The following CALN1 variants were observed in gnomAD, a reference collection of about 807,000 sequenced individuals.
CALN1 encodes calneuron 1, also known as calcium-binding protein 8.
Under a neutral mutation model 30.6 loss-of-function variants are expected in CALN1, and 17 were observed. That is an observed-to-expected ratio of 0.56 (90% CI 0.38 to 0.83). CALN1 has a LOEUF of 0.83. CALN1 is among the 40% of genes least tolerant of loss of function. The pLI is 0.00. For synonymous variants in CALN1, 156 were observed against 131.4 expected (o/e 1.19, Z -1.28); for missense variants, 291 against 354.9 (o/e 0.82, Z 1.45).
chr7:72,020,672 C>T (rs558167321), intron 5 of CALN1, among the ~76,000 whole-genome samples: 2 of 152,290 alleles, frequency 1.3e-5, no homozygotes, highest in South Asian at 4.1e-4. Context: ...CTCCTTTCTC[C>T]AGCCTATCTT....
At chr7:71,892,771 T>C (rs1290709933) in intron 5 of CALN1, among the ~76,000 whole-genome samples, 1 of 152,226 alleles carries the variant, frequency 6.6e-6, no homozygotes, top group Non-Finnish European at 1.5e-5. Context: ...GCTTGAGAAA[T>C]ATCTACTTCT....
At chr7:72,008,657 ATTTTTT>A (rs377110167) in intron 5 of CALN1, among the ~76,000 whole-genome samples, 1 of 139,290 alleles carries the variant, frequency 7.2e-6, no homozygotes, top group Non-Finnish European at 1.6e-5. Flanking sequence ...AAGACTTTCA[ATTTTTT>A]TTTTTTTTTT....
intron 3 of CALN1, among the ~76,000 whole-genome samples, chr7:72,128,852 A>G (rs187782760): frequency 2.6e-5 from 4 of 152,368 alleles, no homozygotes; most frequent in African/African-American, 9.6e-5. Flanking sequence ...AGCCTGGGCA[A>G]CAAGAGCAAA....
At chr7:72,481,464 G>A in the CALN1 span, among the ~76,000 whole-genome samples, 3 of 152,010 alleles carry the variant, frequency 2.0e-5, no homozygotes, top group African/African-American at 2.4e-5. Flanking sequence ...TTTCTATTTC[G>A]TTGATTTTTC....
intron 3 of CALN1, among the ~76,000 whole-genome samples, chr7:72,268,015 T>G (rs917815056): frequency 6.6e-6 from 1 of 152,256 alleles, no homozygotes. Context: ...TTTAAAATTT[T>G]TTAAATAAAT....
chr7:72,161,589 C>T (rs1788113461), intron 3 of CALN1, among the ~76,000 whole-genome samples: 1 of 152,066 alleles, frequency 6.6e-6, no homozygotes, highest in African/African-American at 2.4e-5. Flanking sequence ...AGGAAACAGA[C>T]CCTAAAATGT....
At chr7:72,194,169 C>T (rs753996013) in intron 3 of CALN1, among the ~76,000 whole-genome samples, 1 of 152,232 alleles carries the variant, frequency 6.6e-6, no homozygotes, top group Non-Finnish European at 1.5e-5. Flanking sequence ...CCATCCCTAA[C>T]TAAAATGTCA....
At chr7:72,380,976 CA>C (rs527792407) in intron 2 of CALN1, among the ~76,000 whole-genome samples, 127 of 152,136 alleles carry the variant, frequency 8.3e-4, no homozygotes, top group African/African-American at 3.0e-3. Flanking sequence ...AGGGAAGCCA[CA>C]AACAAGAAAA....
intron 2 of CALN1, among the ~76,000 whole-genome samples, chr7:72,308,893 T>A (rs1799849068): frequency 1.3e-5 from 2 of 152,086 alleles, no homozygotes; most frequent in Admixed American, 1.3e-4. Context: ...CAAAGGAAAA[T>A]TTTGCATGAA....
intron 2 of CALN1, among the ~76,000 whole-genome samples, chr7:72,393,440 GGAGA>G (rs1398693276): frequency 6.6e-6 from 1 of 152,074 alleles, no homozygotes; most frequent in East Asian, 1.9e-4. Flanking sequence ...CTCCAGACTG[GGAGA>G]GAGAGCAAGA....
intron 2 of CALN1, among the ~76,000 whole-genome samples, chr7:72,372,159 T>A (rs977570084): frequency 2.6e-5 from 4 of 152,132 alleles, no homozygotes; most frequent in African/African-American, 9.7e-5. Context: ...TATGATTATT[T>A]CTTTCTTTTC....
chr7:72,400,597 T>A (rs1449409571), intron 2 of CALN1, among the ~76,000 whole-genome samples: 1 of 152,098 alleles, frequency 6.6e-6, no homozygotes, highest in Non-Finnish European at 1.5e-5. Flanking sequence ...AGGCCAGGCA[T>A]CATGGTTCAA....
At chr7:72,256,463 A>G (rs1795919603) in intron 3 of CALN1, among the ~76,000 whole-genome samples, 1 of 152,136 alleles carries the variant, frequency 6.6e-6, no homozygotes, top group South Asian at 2.1e-4. Context: ...CATCTCTAAA[A>G]AAGAAAAAAG....
At chr7:71,863,062 C>A (rs1293733949) in intron 5 of CALN1, among the ~76,000 whole-genome samples, 2 of 152,124 alleles carry the variant, frequency 1.3e-5, no homozygotes, top group African/African-American at 4.8e-5. Flanking sequence ...GAGTTTGAGA[C>A]CAGCCTGGGC....
At chr7:72,306,996 T>A (rs1356723267) in intron 2 of CALN1, among the ~76,000 whole-genome samples, 1 of 152,134 alleles carries the variant, frequency 6.6e-6, no homozygotes, top group Non-Finnish European at 1.5e-5. Context: ...GAATTTGGGG[T>A]TGGGGGACAC....
At position 72,318,470 on chromosome 7, in the gene CALN1, T is replaced by G. The variant is rs1391344812; in HGVS notation, c.120-39660A>C. ...CACAAGCTTATTCTTTCCACATTGG[T>G]GTCCAGGAGTTATGATGACAGAGGA... On this transcript the variant is annotated intron_variant, in intron 2 of 6. Coordinates refer to ENST00000395275, the MANE Select transcript of CALN1 (RefSeq NM_031468.4). 7.2e-5 allele frequency among the ~76,000 whole-genome samples: 11 copies of G among 152,164 alleles called. 1 individual carries two copies. Among genetic ancestry groups the G allele is most frequent in the African/African-American group, 1.7e-4 (7 of 41,434 alleles).
chr7:72,454,389 G>A, the CALN1 span, among the ~76,000 whole-genome samples: 2 of 152,170 alleles, frequency 1.3e-5, no homozygotes, highest in African/African-American at 4.8e-5. Context: ...AGGGGCAGCT[G>A]AAAGAGGCCA....
At chr7:72,178,532 G>C (rs6460704) in intron 3 of CALN1, among the ~76,000 whole-genome samples, 1 of 151,800 alleles carries the variant, frequency 6.6e-6, no homozygotes, top group Non-Finnish European at 1.5e-5. Flanking sequence ...TTACTGAAAA[G>C]ACAAAAATTA....
chr7:72,425,375 A>C (rs1181290698), intron 1 of CALN1, among the ~76,000 whole-genome samples: 1 of 152,130 alleles, frequency 6.6e-6, no homozygotes, highest in East Asian at 1.9e-4. Context: ...CAGCCTCCCA[A>C]AGTGCAGGGA....
Sources: gnomAD v4.1 joint callset for allele counts (sites outside exome capture counted in the v4.1 genomes callset) on GRCh38, gnomAD v4.1.1 for gene constraint, MANE v1.5 for transcripts, NCBI Gene and HGNC (gene_info 2026-07-23, HGNC 2026-07-21) for gene names.